ABCB4: variants seen among roughly 807,000 people sequenced by gnomAD.
The protein encoded by ABCB4 is ATP binding cassette subfamily B member 4.
In ABCB4, 76 loss-of-function variants were observed where a neutral mutation model predicts 145.7. The ratio of observed to expected loss-of-function variants is 0.52; its 90% confidence interval spans 0.43 to 0.63. The LOEUF is 0.63. Ranked by LOEUF, ABCB4 falls within the 30% of genes least tolerant of loss-of-function variation. The pLI, the probability that ABCB4 is intolerant of heterozygous loss-of-function variation, is 0.00. For missense variants in ABCB4, 1,234 were observed against 1,553.1 expected, an observed-to-expected ratio of 0.79 and a Z score of 3.45; for synonymous variants, 517 against 566.8, an observed-to-expected ratio of 0.91 and a Z score of 1.25.
rs558443216 is a variant in ABCB4, at chr7:87,461,861, C to G, written c.286+897G>C. 3.3e-5 allele frequency among the ~76,000 whole-genome samples: 5 copies of G among 152,306 alleles called. No homozygotes were observed. The South Asian group carries it at 1.0e-3, about 32-fold the overall frequency. ...ATATGTAGTTCTCAGTCAGTGAACA[C>G]TGTAAATTCTTATTCAATGCTGTCT... On this transcript the variant is annotated intron_variant, in intron 4 of 27. Coordinates refer to ENST00000649586, the MANE Select transcript of ABCB4 (RefSeq NM_000443.4).
intron 25 of ABCB4, among the ~76,000 whole-genome samples, chr7:87,407,197 G>A (rs1384812209): frequency 6.6e-6 from 1 of 152,136 alleles, no homozygotes; most frequent in Non-Finnish European, 1.5e-5. Context: ...TACAGGCAAA[G>A]GAATAGACAC....
At chr7:87,388,405 A>T in the ABCB4 span, among the ~76,000 whole-genome samples, 1 of 152,234 alleles carries the variant, frequency 6.6e-6, no homozygotes, top group Non-Finnish European at 1.5e-5. Context: ...CCAAAACAGC[A>T]TGTTACTGGT....
At chr7:87,441,749 C>T (rs1717536582) in intron 12 of ABCB4, among the ~76,000 whole-genome samples, 1 of 152,120 alleles carries the variant, frequency 6.6e-6, no homozygotes, top group African/African-American at 2.4e-5. Context: ...TGGGTGCACA[C>T]CACCAGGCCT....
intron 4 of ABCB4, among the ~76,000 whole-genome samples, chr7:87,457,737 A>G (rs1812194412): frequency 6.6e-6 from 1 of 152,238 alleles, no homozygotes; most frequent in Non-Finnish European, 1.5e-5. Context: ...ATAGAGGTTA[A>G]GAGACTTGCT....
chr7:87,407,083 G>A (rs1341886829), intron 25 of ABCB4, among the ~76,000 whole-genome samples: 1 of 152,216 alleles, frequency 6.6e-6, no homozygotes, highest in Non-Finnish European at 1.5e-5. Context: ...TGCTGGCAGT[G>A]ATGGTTTTGT....
intron 4 of ABCB4, among the ~76,000 whole-genome samples, chr7:87,458,916 G>C (rs1188196272): frequency 2.7e-5 from 4 of 150,544 alleles, no homozygotes; most frequent in African/African-American, 9.8e-5. Flanking sequence ...ATTCCCCAGA[G>C]AGACCTTGAA....
rs76538400 is a variant in ABCB4, at chr7:87,474,922, G to A, written c.80+464C>T. Among the ~76,000 whole-genome samples the A allele has an allele frequency of 9.8e-3, 1,496 of 152,242 alleles. 8 individuals are homozygous for A. The highest frequency in any genetic ancestry group is 0.011 in the Non-Finnish European group (774 of 68,020). Reference sequence around the variant, plus strand: ...AGGAGGGGGAGGGGTAAGACAAGGAGGAAGAGACATAACAGGGGATGGGCA... The same window carrying A: ...AGGAGGGGGAGGGGTAAGACAAGGAAGAAGAGACATAACAGGGGATGGGCA... On this transcript the variant is annotated intron_variant, in intron 2 of 27. Coordinates refer to ENST00000649586, the MANE Select transcript of ABCB4 (RefSeq NM_000443.4).
intron 14 of ABCB4, among the ~76,000 whole-genome samples, chr7:87,434,989 T>A (rs1301462915): frequency 6.6e-6 from 1 of 152,184 alleles, no homozygotes; most frequent in African/African-American, 2.4e-5. Context: ...GCCTGATCAA[T>A]GTATAAAGGA....
intron 26 of ABCB4, among the ~76,000 whole-genome samples, chr7:87,403,600 G>T (rs941942252): frequency 6.6e-6 from 1 of 152,216 alleles, no homozygotes; most frequent in Non-Finnish European, 1.5e-5. Context: ...ATAGTAGTAT[G>T]TGCTATACTC....
intron 9 of ABCB4, 99 bp downstream of exon 9, chr7:87,446,935 A>C: frequency 1.1e-5 from 12 of 1,063,700 alleles, no homozygotes; most frequent in Non-Finnish European, 1.4e-5. Flanking sequence ...ACCTATAATC[A>C]TGTTCATCTT....
intron 19 of ABCB4, among the ~76,000 whole-genome samples, chr7:87,419,724 T>C (rs554711204): frequency 8.7e-4 from 131 of 150,418 alleles, no homozygotes; most frequent in African/African-American, 3.1e-3. Flanking sequence ...GAAATGATAG[T>C]GTCTACATGG....
At chr7:87,383,105 C>T in the ABCB4 span, among the ~76,000 whole-genome samples, 2 of 152,136 alleles carry the variant, frequency 1.3e-5, no homozygotes, top group Admixed American at 6.6e-5. Context: ...ATTACGTCTT[C>T]GTGTGGGGAA....
chr7:87,382,589 G>A, the ABCB4 span: 24 of 1,552,770 alleles, frequency 1.5e-5, no homozygotes, highest in East Asian at 3.2e-4. Flanking sequence ...AAGTCCAAGG[G>A]TATATCTTTT....
chr7:87,418,668 A>G (rs781001045), intron 19 of ABCB4, 48 bp from the exon 20 acceptor site: 16 of 1,578,290 alleles, frequency 1.0e-5, no homozygotes, highest in Non-Finnish European at 1.4e-5. Flanking sequence ...TAAAACAAGC[A>G]AAGAAAACCA....
At chr7:87,383,129 C>A in the ABCB4 span, among the ~76,000 whole-genome samples, 1 of 152,126 alleles carries the variant, frequency 6.6e-6, no homozygotes, top group Admixed American at 6.6e-5. Context: ...TCCAAGTCTT[C>A]TCTTCTTGGT....
chr7:87,456,687 T>A (rs930847951), intron 4 of ABCB4, among the ~76,000 whole-genome samples: 39 of 152,172 alleles, frequency 2.6e-4, no homozygotes, highest in African/African-American at 9.2e-4. Context: ...CAAAATGGAC[T>A]AACACAGATA....
chr7:87,424,260 C>T (rs868665211), intron 16 of ABCB4, among the ~76,000 whole-genome samples: 2 of 152,128 alleles, frequency 1.3e-5, no homozygotes, highest in African/African-American at 2.4e-5. Flanking sequence ...ATGGGTTGTT[C>T]GGCCAAGAAA....
At chr7:87,420,344 A>T (rs1809328784) in intron 18 of ABCB4, among the ~76,000 whole-genome samples, 2 of 152,120 alleles carry the variant, frequency 1.3e-5, no homozygotes, top group African/African-American at 4.8e-5. Flanking sequence ...TTGAGCTCTG[A>T]CACCACCCCA....
chr7:87,436,698 A>G (rs539245166), intron 14 of ABCB4, among the ~76,000 whole-genome samples: 69 of 152,328 alleles, frequency 4.5e-4, no homozygotes, highest in African/African-American at 1.6e-3. Context: ...GGGGAGCAGA[A>G]TCAGGCCTTA....
Sources: allele counts gnomAD v4.1 joint callset (sites outside exome capture counted in the v4.1 genomes callset), GRCh38; gene constraint gnomAD v4.1.1; transcripts MANE v1.5; gene names NCBI Gene and HGNC (gene_info 2026-07-23, HGNC 2026-07-21).